AK3: variants seen among roughly 807,000 people sequenced by gnomAD.
AK3 encodes the protein GTP:AMP phosphotransferase AK3, mitochondrial.
Under a neutral mutation model 23.7 loss-of-function variants are expected in AK3, and 27 were observed. That is an observed-to-expected ratio of 1.14 (90% confidence interval 0.84 to 1.57). AK3 has a LOEUF of 1.57. Among genes scored for constraint, AK3 ranks in the 40% most tolerant of loss-of-function variants. The pLI is 0.00. For missense variants in AK3, 406 were observed against 285.6 expected (o/e 1.42, Z -3.04); for synonymous variants, 159 against 116.0 (o/e 1.37, Z -2.38).
At chr9:4,720,409 C>A (rs1238605426) in intron 2 of AK3, among the ~76,000 whole-genome samples, 2 of 152,174 alleles carry the variant, frequency 1.3e-5, no homozygotes, top group Non-Finnish European at 2.9e-5. Flanking sequence ...TTAGGCCACA[C>A]ATGGTGGCTC....
intron 1 of AK3, among the ~76,000 whole-genome samples, chr9:4,739,204 TTTC>T (rs1842365978): frequency 6.6e-6 from 1 of 152,020 alleles, no homozygotes; most frequent in Non-Finnish European, 1.5e-5. Flanking sequence ...CTGTTCTTTC[TTTC>T]TTTTTTTTCG....
intron 1 of AK3, among the ~76,000 whole-genome samples, chr9:4,736,517 A>G (rs1176303117): frequency 6.6e-6 from 1 of 151,842 alleles, no homozygotes; most frequent in Non-Finnish European, 1.5e-5. Flanking sequence ...GTATCATTCT[A>G]ATTATGCAAG....
At chr9:4,735,794 A>T (rs199778060) in intron 1 of AK3, among the ~76,000 whole-genome samples, 2 of 150,762 alleles carry the variant, frequency 1.3e-5, no homozygotes, top group Non-Finnish European at 2.9e-5. Context: ...AAAGAAAAAA[A>T]TTTTAAAAGA....
rs142894703 is a variant in AK3, at chr9:4,713,087, C to A, written c.573G>T (p.Gly191=). 7.6e-5 allele frequency: 122 copies of A among 1,613,364 alleles called. 1 individual carries two copies. In the African/African-American group the frequency reaches 1.5e-3, roughly 20 times the overall value. Reference sequence around the variant, plus strand: ...CTGTTCCGGAGAATGTTTCCAGCACCCCTTTTTTCCTAAAGATGAAACAAA... The same window carrying A: ...CTGTTCCGGAGAATGTTTCCAGCACACCTTTTTTCCTAAAGATGAAACAAA... ...KPVLEYYQKK[G]VLETFSGTET... The change falls in exon 5 of 5, where the codon GGG becomes GGT. Residue 191 remains glycine (G), a synonymous_variant. Coordinates refer to ENST00000381809, the MANE Select transcript of AK3 (RefSeq NM_016282.4).
At chr9:4,726,715 C>CTTCTTCCTGAATCATGAGTG (rs1842030856) in intron 1 of AK3, among the ~76,000 whole-genome samples, 1 of 151,324 alleles carries the variant, frequency 6.6e-6, no homozygotes, top group Non-Finnish European at 1.5e-5. Flanking sequence ...ACACTTTGAC[C>CTTCTTCCTGAATCATGAGTG]TTCTTCCTGA....
rs1423762122 is a variant in AK3, at chr9:4,716,598, T to C, written c.563+1821A>G. Among the ~76,000 whole-genome samples, 4 of 152,170 alleles carry C rather than the reference T, an allele frequency of 2.6e-5. No homozygotes were observed. In the East Asian group the frequency reaches 7.7e-4, roughly 29 times the overall value. ...TAGTAACAGCTACTACAAAAAATGG[T>C]TTGCCAACCTTGTAATTTTATGCTC... On this transcript the variant is annotated intron_variant, in intron 4 of 4. Transcript: ENST00000381809.
intron 1 of AK3, among the ~76,000 whole-genome samples, chr9:4,736,522 T>C (rs1842297940): frequency 6.6e-6 from 1 of 151,542 alleles, no homozygotes; most frequent in Non-Finnish European, 1.5e-5. Flanking sequence ...ATTCTAATTA[T>C]GCAAGCCTAT....
intron 1 of AK3, among the ~76,000 whole-genome samples, chr9:4,723,518 A>C (rs1841953207): frequency 1.3e-5 from 2 of 152,188 alleles, no homozygotes; most frequent in Non-Finnish European, 2.9e-5. Context: ...TATTACCTAC[A>C]ACTATATGTC....
chr9:4,735,027 G>A (rs1009788153), intron 1 of AK3, among the ~76,000 whole-genome samples: 6 of 151,738 alleles, frequency 4.0e-5, no homozygotes, highest in South Asian at 4.1e-4. Flanking sequence ...CAGAAGTGAC[G>A]GCTAATAGGT....
chr9:4,726,083 C>T lies in AK3; in HGVS notation c.152-3458G>A, dbSNP rs143822033. On this transcript the variant is annotated intron_variant, in intron 1 of 4. Transcript: ENST00000381809. ...ATGTCTAAAATAACAATGTACCTAC[C>T]TTAATTTAAAATAGTTTTATTGCTA... Among the ~76,000 whole-genome samples, 4 of 152,102 alleles carry T rather than the reference C, an allele frequency of 2.6e-5. No individual in the cohort carries two copies. In the South Asian group the frequency reaches 6.2e-4, roughly 24 times the overall value.
At chr9:4,735,979 G>A (rs551115332) in intron 1 of AK3, among the ~76,000 whole-genome samples, 11 of 151,746 alleles carry the variant, frequency 7.2e-5, no homozygotes, top group African/African-American at 2.7e-4. Context: ...GCTGGGCATG[G>A]TGGCTCACAG....
Position 4,711,344 on chromosome 9 carries a change from G to A in AK3, c.*1632C>T, listed in dbSNP as rs892086348. ...TTGATAACCTAGTGATAATCCATAA[G>A]TTTGGTATTTCACAACATTTTTTAG... is the stretch of plus-strand genomic sequence containing the variant. On this transcript the variant is annotated 3_prime_UTR_variant, in exon 5 of 5. Transcript: ENST00000381809. The A allele has an allele frequency of 3.3e-5, 5 of 151,606 alleles. No individual in the cohort carries two copies. Among genetic ancestry groups the A allele is most frequent in the Non-Finnish European group, 7.4e-5 (5 of 67,608 alleles). The allele number at this position is 151,606 out of a possible 1,614,324, so 9.4% of individuals were successfully genotyped here.
At chr9:4,716,358 T>G (rs151268982) in intron 4 of AK3, among the ~76,000 whole-genome samples, 10 of 152,268 alleles carry the variant, frequency 6.6e-5, no homozygotes, top group African/African-American at 2.4e-4. Flanking sequence ...GAACAATAAT[T>G]GCTGACAATG....
chr9:4,737,051 G>T (rs139743184), intron 1 of AK3, among the ~76,000 whole-genome samples: 1 of 148,074 alleles, frequency 6.8e-6, no homozygotes, highest in Admixed American at 6.8e-5. Context: ...TCAACCTCAC[G>T]ATTTCTACCA....
chr9:4,741,168 C>T lies in AK3; in HGVS notation c.-81G>A, dbSNP rs1587666363. 1 of 1,311,402 alleles carries T rather than the reference C, an allele frequency of 7.6e-7. No homozygotes were observed. The highest frequency in any genetic ancestry group is 3.1e-5 in the East Asian group (1 of 31,950). 81.2% of individuals were successfully genotyped at this position (1,311,402 alleles called of 1,614,324 possible). On this transcript the variant is annotated 5_prime_UTR_variant, in exon 1 of 5. Transcript: ENST00000381809. ...CGCTCACCCGCTCGGCAGCCTGCGC[C>T]GGCCGGCTAGCAGCGCCACTAGCAG...
intron 1 of AK3, among the ~76,000 whole-genome samples, chr9:4,729,463 C>G (rs185588021): frequency 1.3e-5 from 2 of 151,852 alleles, no homozygotes; most frequent in Non-Finnish European, 2.9e-5. Flanking sequence ...CAGAGCAAGA[C>G]CCTGTCTTGC....
At chr9:4,734,233 G>C (rs544596025) in intron 1 of AK3, among the ~76,000 whole-genome samples, 16 of 152,196 alleles carry the variant, frequency 1.1e-4, no homozygotes, top group Admixed American at 1.0e-3. Flanking sequence ...AAGGCAACTA[G>C]ACAGGCCAGG....
chr9:4,720,159 A>T (rs1841856926), intron 2 of AK3, among the ~76,000 whole-genome samples: 1 of 152,176 alleles, frequency 6.6e-6, no homozygotes, highest in Non-Finnish European at 1.5e-5. Flanking sequence ...AAAAGGATAA[A>T]ACCCTAACAG....
chr9:4,736,070 G>A lies in AK3; in HGVS notation c.151+4867C>T, dbSNP rs535376666. 3.0e-3 allele frequency among the ~76,000 whole-genome samples: 446 copies of A among 148,564 alleles called. 1 individual carries two copies. The highest frequency in any genetic ancestry group is 0.01 in the African/African-American group (421 of 40,182). Reference sequence around the variant, plus strand: ...GCGGAGGTTACAGTGAGCCGAGATCGTGCCACTGCACTCCAGCCTAGGCAA... The same window carrying A: ...GCGGAGGTTACAGTGAGCCGAGATCATGCCACTGCACTCCAGCCTAGGCAA... On this transcript the variant is annotated intron_variant, in intron 1 of 4. Transcript: ENST00000381809.
Sources: gnomAD v4.1 joint callset for allele counts (sites outside exome capture counted in the v4.1 genomes callset) on GRCh38, gnomAD v4.1.1 for gene constraint, MANE v1.5 for transcripts, NCBI Gene and HGNC (gene_info 2026-07-23, HGNC 2026-07-21) for gene names.